TRIO: variants seen among roughly 807,000 people sequenced by gnomAD.
The protein encoded by TRIO is triple functional domain protein.
Under a neutral mutation model 351.9 loss-of-function variants are expected in TRIO, and 58 were observed. The observed-to-expected ratio is 0.16, with a 90% CI of 0.13 to 0.21. The LOEUF is 0.21. TRIO is among the 10% of genes least tolerant of loss of function. The pLI is 1.00. For missense variants in TRIO, 3,201 were observed against 4,027.8 expected (o/e 0.79, Z 5.56); for synonymous variants, 1,758 against 1,595.7 (o/e 1.10, Z -2.42).
At chr5:14,381,320 G>T (rs914852557) in intron 21 of TRIO, 68 bp downstream of exon 21, 8 of 1,519,206 alleles carry the variant, frequency 5.3e-6, no homozygotes, top group Non-Finnish European at 6.2e-6. Context: ...ATATCATAAA[G>T]AAATACCTCA....
intron 47 of TRIO, among the ~76,000 whole-genome samples, 199 bp downstream of exon 47, chr5:14,485,445 A>G (rs1192954366): frequency 2.0e-5 from 3 of 152,166 alleles, no homozygotes; most frequent in Non-Finnish European, 2.9e-5. Context: ...TGCTTTACAG[A>G]TGAGAAAGCT....
intron 1 of TRIO, among the ~76,000 whole-genome samples, chr5:14,160,172 C>G (rs533461556): frequency 6.6e-6 from 1 of 152,300 alleles, no homozygotes; most frequent in East Asian, 1.9e-4. Flanking sequence ...TTGAAACCTT[C>G]TCGCCAGTTA....
chr5:14,159,040 A>G (rs1382151707), intron 1 of TRIO, among the ~76,000 whole-genome samples: 1 of 152,180 alleles, frequency 6.6e-6, no homozygotes, highest in Non-Finnish European at 1.5e-5. Context: ...TCAGGTGGCT[A>G]TAGGGACAAG....
chr5:14,366,294 C>T (rs1235484751), intron 15 of TRIO, among the ~76,000 whole-genome samples: 1 of 152,134 alleles, frequency 6.6e-6, no homozygotes, highest in Non-Finnish European at 1.5e-5. Flanking sequence ...TCTGTGGTTT[C>T]CACTGTTAGA....
chr5:14,359,466 C>G lies in TRIO; in HGVS notation c.2326C>G (p.Gln776Glu). The G allele has an allele frequency of 6.2e-7, 1 of 1,614,268 alleles. No homozygotes were observed. The change falls in exon 13 of 57, where the codon CAG becomes GAG. Residue 776 changes from glutamine to glutamate, a missense_variant. Around this residue, in one of 19 missense-constraint regions of TRIO, gnomAD observed 363 missense variants for 553.5 expected, o/e 0.66. Coordinates refer to ENST00000344204, the MANE Select transcript of TRIO (RefSeq NM_007118.4). The part of the protein sequence containing the change: ...EAQSQMEELF[Q>E]ERKIKLELFL... Reference sequence around the variant, plus strand: ...GCAGTCGCAGATGGAGGAGCTCTTCCAGGAGCGCAAGATCAAGCTGGAGCT... The same window carrying G: ...GCAGTCGCAGATGGAGGAGCTCTTCGAGGAGCGCAAGATCAAGCTGGAGCT...
chr5:14,239,142 T>A (rs1793973257), intron 1 of TRIO, among the ~76,000 whole-genome samples: 1 of 152,158 alleles, frequency 6.6e-6, no homozygotes, highest in African/African-American at 2.4e-5. Context: ...AAAATTCAAA[T>A]ATTAAAATAC....
In TRIO at chr5:14,275,780, C is replaced by T. The variant is rs560932057; in HGVS notation, c.233-4542C>T. ...ATAATAGAGTTCTCATTGCTTTTTACAGTTGTGTATTACTCTGTTTTGTGT... is the reference window on the plus strand; with the variant it reads ...ATAATAGAGTTCTCATTGCTTTTTATAGTTGTGTATTACTCTGTTTTGTGT... On this transcript the variant is annotated intron_variant, in intron 2 of 56. Transcript: ENST00000344204. 5.3e-5 allele frequency among the ~76,000 whole-genome samples: 8 copies of T among 150,060 alleles called. No homozygotes were observed. The East Asian group carries it at 1.6e-3, about 29-fold the overall frequency.
intron 1 of TRIO, among the ~76,000 whole-genome samples, chr5:14,160,293 C>G (rs760010553): frequency 3.3e-5 from 5 of 152,146 alleles, no homozygotes; most frequent in Non-Finnish European, 7.4e-5. Flanking sequence ...TGCCTCCCGC[C>G]GGGGGGTGAC....
intron 10 of TRIO, among the ~76,000 whole-genome samples, chr5:14,334,580 G>A (rs1262791719): frequency 6.6e-6 from 1 of 152,224 alleles, no homozygotes. Flanking sequence ...TTCCAAAACT[G>A]TAGTGGTGAT....
At chr5:14,507,409 ATC>A (rs111969821) in intron 56 of TRIO, 149 bp downstream of exon 56, 18 of 962,968 alleles carry the variant, frequency 1.9e-5, no homozygotes, top group South Asian at 1.0e-4. Flanking sequence ...CTGATTGCTA[ATC>A]TCTCTCTCTA....
At chr5:14,152,427 A>G (rs538352979) in intron 1 of TRIO, among the ~76,000 whole-genome samples, 13 of 152,190 alleles carry the variant, frequency 8.5e-5, no homozygotes, top group South Asian at 8.3e-4. Context: ...CTGGAGTGCA[A>G]TGGCGCAATC....
intron 11 of TRIO, among the ~76,000 whole-genome samples, chr5:14,356,091 G>A (rs1383574330): frequency 6.6e-6 from 1 of 152,152 alleles, no homozygotes; most frequent in African/African-American, 2.4e-5. Flanking sequence ...TTAGGACCCT[G>A]GGTAACAGGA....
intron 40 of TRIO, among the ~76,000 whole-genome samples, chr5:14,474,819 C>T (rs752496066): frequency 2.0e-5 from 3 of 152,062 alleles, no homozygotes; most frequent in Admixed American, 6.5e-5. Flanking sequence ...CCTACAGGCA[C>T]GCAGCACCAT....
intron 43 of TRIO, 73 bp from the exon 44 acceptor site, chr5:14,481,161 T>A (rs553093832): frequency 7.6e-7 from 1 of 1,312,352 alleles, no homozygotes; most frequent in South Asian, 1.4e-5. Flanking sequence ...CCCTGTCTCT[T>A]AAAAAAAAAA....
intron 11 of TRIO, among the ~76,000 whole-genome samples, chr5:14,348,395 A>G (rs1742634633): frequency 6.6e-6 from 1 of 152,252 alleles, no homozygotes. Flanking sequence ...TTTAATTTTC[A>G]GTAAGGACTG....
chr5:14,217,797 G>C (rs1278557622), intron 1 of TRIO, among the ~76,000 whole-genome samples: 2 of 152,122 alleles, frequency 1.3e-5, no homozygotes, highest in Non-Finnish European at 2.9e-5. Flanking sequence ...CAGCACGTGT[G>C]GGGCAGTGTG....
At position 14,204,973 on chromosome 5, in the gene TRIO, T is replaced by A. The variant is rs541544329; in HGVS notation, c.157+61091T>A. Among the ~76,000 whole-genome samples the A allele has an allele frequency of 8.5e-5, 13 of 152,286 alleles. No homozygotes were observed. The East Asian group carries it at 2.5e-3, about 29-fold the overall frequency. ...TTTCTAGCCGTGTAGAAGTCTGGGA[T>A]GCGTGGTGTCACCCCTTCTTCAGGG... On this transcript the variant is annotated intron_variant, in intron 1 of 56. Coordinates refer to ENST00000344204, the MANE Select transcript of TRIO (RefSeq NM_007118.4).
chr5:14,262,757 A>T (rs1561265784), intron 1 of TRIO, among the ~76,000 whole-genome samples: 1 of 151,914 alleles, frequency 6.6e-6, no homozygotes, highest in Non-Finnish European at 1.5e-5. Flanking sequence ...CACGAGGTCG[A>T]TGGTTTATGA....
rs1579504785 is a variant in TRIO at position 14,387,725 on chromosome 5, T to G, written c.3766-7T>G. 3.7e-6 allele frequency: 6 copies of G among 1,613,646 alleles called. No homozygotes were observed. The highest frequency in any genetic ancestry group is 5.1e-6 in the Non-Finnish European group (6 of 1,179,640). On this transcript the variant is annotated splice_polypyrimidine_tract_variant and splice_region_variant and intron_variant, in intron 22 of 56. Coordinates refer to ENST00000344204, the MANE Select transcript of TRIO (RefSeq NM_007118.4). ...TAACTGAGTTCATTGGCTCTGTTATTCCACAGAGTAAAAGTCTCCAGCTAG... is the reference window on the plus strand; with the variant it reads ...TAACTGAGTTCATTGGCTCTGTTATGCCACAGAGTAAAAGTCTCCAGCTAG...
Sources: allele counts gnomAD v4.1 joint callset (sites outside exome capture counted in the v4.1 genomes callset), GRCh38; gene constraint gnomAD v4.1.1; regional missense constraint gnomAD v4.1.1; transcripts MANE v1.5; gene names NCBI Gene and HGNC (gene_info 2026-07-23, HGNC 2026-07-21).